The following PLEKHM2 variants were observed in gnomAD, a reference collection of about 807,000 sequenced individuals.
The protein encoded by PLEKHM2 is pleckstrin homology domain-containing family M member 2.
PLEKHM2 carries 77 observed loss-of-function variants against 116.3 expected under a neutral mutation model. The observed-to-expected ratio is 0.66, with a 90% CI of 0.55 to 0.80. PLEKHM2 has a LOEUF of 0.80. Ranked by LOEUF, PLEKHM2 falls within the 30% of genes least tolerant of loss-of-function variation. The pLI is 0.00. For synonymous variants in PLEKHM2, 562 were observed against 571.0 expected, an observed-to-expected ratio of 0.98 and a Z score of 0.22; for missense variants, 1,183 against 1,354.9, an observed-to-expected ratio of 0.87 and a Z score of 1.99.
rs1282941562 is a variant in PLEKHM2 at position 15,719,470 on chromosome 1, T to G, written c.466-264T>G. 2.0e-5 allele frequency among the ~76,000 whole-genome samples: 3 copies of G among 150,420 alleles called. No individual in the cohort carries two copies. The highest frequency in any genetic ancestry group is 4.9e-5 in the African/African-American group (2 of 40,920). ...TGTCTCAAAAAAAAAAATAAATAAA[T>G]AGAGAGAGAGAGAGATAGCGGGGGC... On this transcript the variant is annotated intron_variant, in intron 5 of 19. Transcript: ENST00000375799. This position sits in a 1 kb window ranked among gnomAD's most constrained non-coding sequence, Gnocchi z 4.1.
chr1:15,722,982 A>G (rs1423494214), intron 7 of PLEKHM2: 1 of 152,182 alleles, frequency 6.6e-6, no homozygotes, highest in Non-Finnish European at 1.5e-5. Context: ...GCCTCAGGGC[A>G]GGGTGAGATT....
chr1:15,720,377 T>C, intron 6 of PLEKHM2: 1 of 985,268 alleles, frequency 1.0e-6, no homozygotes, highest in Non-Finnish European at 1.2e-6. Context: ...CAGGGAAACC[T>C]TGCCACTGTG....
chr1:15,681,671 G>A, upstream of PLEKHM2: 1 of 445,342 alleles, frequency 2.2e-6, no homozygotes, highest in Non-Finnish European at 4.6e-6. Context: ...GGAAGGAAGT[G>A]CGCAATTCTG....
rs773481796 is a variant in PLEKHM2, at chr1:15,719,714, C to T, written c.466-20C>T. ...GCACGAGGCCTCCCACCAAACGGGC[C>T]TCCTCTACTCTCTCCTCAGGATGCC... On this transcript the variant is annotated intron_variant, in intron 5 of 19. Coordinates refer to ENST00000375799, the MANE Select transcript of PLEKHM2 (RefSeq NM_015164.4). This position sits in a 1 kb window ranked among gnomAD's most constrained non-coding sequence, Gnocchi z 4.1. 6.3e-7 allele frequency: 1 copy of T among 1,584,084 alleles called. No homozygotes were observed. Among genetic ancestry groups the T allele is most frequent in the South Asian group, 1.1e-5 (1 of 88,584 alleles).
chr1:15,694,021 A>G (rs904122478), intron 1 of PLEKHM2, among the ~76,000 whole-genome samples: 8 of 152,082 alleles, frequency 5.3e-5, no homozygotes, highest in Admixed American at 1.3e-4. Flanking sequence ...AGCTTTTCTC[A>G]TGACAGAAAG....
At chr1:15,699,130 G>C (rs1482796069) in intron 1 of PLEKHM2, among the ~76,000 whole-genome samples, 1 of 151,922 alleles carries the variant, frequency 6.6e-6, no homozygotes, top group Non-Finnish European at 1.5e-5. Context: ...TTTGAGACCA[G>C]CCTGGGCAAT....
intron 1 of PLEKHM2, among the ~76,000 whole-genome samples, chr1:15,695,830 C>G (rs898038287): frequency 6.6e-6 from 1 of 151,776 alleles, no homozygotes; most frequent in Non-Finnish European, 1.5e-5. Context: ...GAGACAGGGT[C>G]TTGCTCTGTC....
intron 7 of PLEKHM2, among the ~76,000 whole-genome samples, chr1:15,724,710 C>T (rs1012554419): frequency 6.6e-6 from 1 of 152,188 alleles, no homozygotes; most frequent in East Asian, 1.9e-4. Flanking sequence ...ATGGTTCCCA[C>T]CCCTTGGGCT....
Position 15,734,077 on chromosome 1 carries a change from A to T in PLEKHM2, c.*143A>T. 1 of 904,510 alleles carries T rather than the reference A, an allele frequency of 1.1e-6. No homozygotes were observed. The highest frequency in any genetic ancestry group is 1.6e-6 in the Non-Finnish European group (1 of 618,274). 56.0% of individuals were successfully genotyped at this position (904,510 alleles called of 1,614,324 possible). ...GCAGAACCACCGAGTGTGGCTTAAG[A>T]CAGGGTCCCTCCACTCCAGGGATCC... On this transcript the variant is annotated 3_prime_UTR_variant, in exon 20 of 20. Transcript: ENST00000375799.
chr1:15,732,346 C>A lies in PLEKHM2; in HGVS notation c.2626-4C>A. On this transcript the variant is annotated splice_polypyrimidine_tract_variant and splice_region_variant and intron_variant, in intron 17 of 19. Transcript: ENST00000375799. Reference sequence around the variant, plus strand: ...AGCCTGCCTCTCCCCTGCCCCGCTGCCAGGTCATCCCCCAGGGCGTAGCTC... The same window carrying A: ...AGCCTGCCTCTCCCCTGCCCCGCTGACAGGTCATCCCCCAGGGCGTAGCTC... 3.9e-6 allele frequency: 6 copies of A among 1,550,184 alleles called. No homozygotes were observed. The highest frequency in any genetic ancestry group is 5.2e-6 in the Non-Finnish European group (6 of 1,146,512).
In PLEKHM2 at chr1:15,727,874, T is replaced by G. The variant is rs1300084276; in HGVS notation, c.1760+42T>G. 2 of 1,434,462 alleles carry G rather than the reference T, an allele frequency of 1.4e-6. No individual in the cohort carries two copies. Among genetic ancestry groups the G allele is most frequent in the African/African-American group, 2.8e-5 (2 of 70,748 alleles). The allele number at this position is 1,434,462 out of a possible 1,614,324, so 88.9% of individuals were successfully genotyped here. A position where few individuals can be genotyped will look rare whatever the true frequency, so the allele number is the denominator to read the frequency against. On this transcript the variant is annotated intron_variant, in intron 9 of 19. Transcript: ENST00000375799. This position sits in a 1 kb window ranked among gnomAD's most constrained non-coding sequence, Gnocchi z 7.5. ...GCTGGCATGGGACTCTCCCAGCCCT[T>G]GAAGCTGGGGACACTGTGCCTCTGA...
intron 6 of PLEKHM2, chr1:15,720,546 T>C: frequency 1.1e-6 from 1 of 909,708 alleles, no homozygotes; most frequent in African/African-American, 1.9e-5. Flanking sequence ...TTTCAAACCT[T>C]AGGCCCTGGT....
At chr1:15,707,184 G>A (rs968718813) in intron 1 of PLEKHM2, among the ~76,000 whole-genome samples, 2 of 151,920 alleles carry the variant, frequency 1.3e-5, no homozygotes, top group African/African-American at 4.8e-5. Context: ...GAATTTGAGA[G>A]GCTAAGGCAG....
chr1:15,694,095 T>C (rs1240568613), intron 1 of PLEKHM2, among the ~76,000 whole-genome samples: 1 of 152,158 alleles, frequency 6.6e-6, no homozygotes, highest in Non-Finnish European at 1.5e-5. Flanking sequence ...GGCTCATGTC[T>C]GTAATCCCAG....
rs764775012 is a variant in PLEKHM2 at position 15,727,244 on chromosome 1, C to T, written c.1172C>T (p.Pro391Leu). The part of the protein sequence containing the change: ...STTESSERSE[P>L]GLLIPEMKDT... ...ACGGAGAGCAGCGAGCGCTCCGAGCCGGGCCTGCTGATCCCTGAGATGAAG... is the reference window on the plus strand; with the variant it reads ...ACGGAGAGCAGCGAGCGCTCCGAGCTGGGCCTGCTGATCCCTGAGATGAAG... Residue 391 changes from proline (P) to leucine (L), a missense_variant, in exon 9 of 20, where the codon CCG (proline) becomes CTG (leucine). Pro to Leu is a moderately conservative substitution (Grantham distance 98). Around this residue, in one of 3 missense-constraint regions of PLEKHM2, gnomAD observed 372 missense variants for 357.2 expected, o/e 1.04. Coordinates refer to ENST00000375799, the MANE Select transcript of PLEKHM2 (RefSeq NM_015164.4). The surrounding 1 kb of genome is among the most constrained non-coding windows in gnomAD (Gnocchi z 7.5). 13 of 1,604,276 alleles carry T rather than the reference C, an allele frequency of 8.1e-6. No individual in the cohort carries two copies. The highest frequency in any genetic ancestry group is 2.7e-5 in the African/African-American group (2 of 74,742).
chr1:15,702,219 G>T (rs529961307), intron 1 of PLEKHM2, among the ~76,000 whole-genome samples: 1 of 152,124 alleles, frequency 6.6e-6, no homozygotes, highest in Non-Finnish European at 1.5e-5. Flanking sequence ...CATGGGACGC[G>T]TCCTCACCCA....
At chr1:15,684,863 C>T (rs990642296) in intron 1 of PLEKHM2, among the ~76,000 whole-genome samples, 1 of 152,030 alleles carries the variant, frequency 6.6e-6, no homozygotes, top group Non-Finnish European at 1.5e-5. Flanking sequence ...AAACCTGGCC[C>T]GGGGCCCTGC....
In PLEKHM2 at chr1:15,732,621, C is replaced by T. The variant is rs964615204; in HGVS notation, c.2815C>T (p.Gln939Ter). ...GKEYCVLEFS[Q>*]DSQQLLPPWV... is the part of the protein sequence containing the mutation. ...GCCTGGCTCTCCCTAGGAGTTCTCC[C>T]AGGACAGCCAGCAGCTCCTCCCGCC... Residue 939 changes from glutamine to a stop codon, truncating the protein, a stop_gained, in exon 19 of 20, where the codon CAG (glutamine) becomes TAG (stop). Coordinates refer to ENST00000375799, the MANE Select transcript of PLEKHM2 (RefSeq NM_015164.4). LOFTEE classifies it high-confidence loss of function. 1 of 1,601,906 alleles carries T rather than the reference C, an allele frequency of 6.2e-7. No homozygotes were observed. The highest frequency in any genetic ancestry group is 8.5e-7 in the Non-Finnish European group (1 of 1,174,352).
At chr1:15,683,473 G>A (rs1344813097), upstream of PLEKHM2, among the ~76,000 whole-genome samples, 1 of 151,850 alleles carries the variant, frequency 6.6e-6, no homozygotes, top group Non-Finnish European at 1.5e-5. Context: ...GGGTCTGTGG[G>A]TGTCTCGAGT....
Sources: allele counts gnomAD v4.1 joint callset (sites outside exome capture counted in the v4.1 genomes callset), GRCh38; gene constraint gnomAD v4.1.1; regional missense constraint gnomAD v4.1.1; non-coding constraint Gnocchi (gnomAD v3.1); transcripts MANE v1.5; gene names NCBI Gene and HGNC (gene_info 2026-07-23, HGNC 2026-07-21).